ZNF516: variants seen among roughly 807,000 people sequenced by gnomAD.
ZNF516 encodes zinc finger protein 516.
ZNF516 carries 19 observed loss-of-function variants against 79.7 expected under a neutral mutation model. The ratio of observed to expected loss-of-function variants is 0.24; its 90% CI spans 0.17 to 0.35. ZNF516 has a LOEUF of 0.35. ZNF516 is among the 10% of genes least tolerant of loss of function. The pLI is 1.00. For synonymous variants in ZNF516, 877 were observed against 739.5 expected, an observed-to-expected ratio of 1.19 and a Z score of -3.02; for missense variants, 1,678 against 1,679.5, an observed-to-expected ratio of 1.00 and a Z score of 0.02.
In ZNF516 at chr18:76,378,999, G is replaced by A. The variant is rs2074837384; in HGVS notation, c.3115C>T (p.Leu1039=). 5 of 1,612,054 alleles carry A rather than the reference G, an allele frequency of 3.1e-6. No homozygotes were observed. The highest frequency in any genetic ancestry group is 2.2e-5 in the East Asian group (1 of 44,864). The part of the protein sequence containing the change: ...QPGVAGAPPV[L]HSIKQEPVAE... Reference sequence around the variant, plus strand: ...ACCGGCTCCTGTTTGATGGAGTGTAGGACGGGGGGCGCCCCAGCCACGCCG... The same window carrying A: ...ACCGGCTCCTGTTTGATGGAGTGTAAGACGGGGGGCGCCCCAGCCACGCCG... Residue 1039 remains leucine, a synonymous_variant, in exon 4 of 7, where the codon CTA becomes TTA. Transcript: ENST00000443185.
chr18:76,420,354 G>T (rs1002074021), intron 3 of ZNF516, among the ~76,000 whole-genome samples: 1 of 152,038 alleles, frequency 6.6e-6, no homozygotes, highest in Non-Finnish European at 1.5e-5. Flanking sequence ...CTCTACCCCC[G>T]GCCCTCATTG....
chr18:76,481,488 C>T (rs1041295602), intron 1 of ZNF516, among the ~76,000 whole-genome samples: 2 of 152,196 alleles, frequency 1.3e-5, no homozygotes, highest in Non-Finnish European at 2.9e-5. Flanking sequence ...ATGAACTCCA[C>T]ACAGGGTAAC....
chr18:76,452,213 G>T (rs911594626), intron 2 of ZNF516, among the ~76,000 whole-genome samples: 5 of 152,210 alleles, frequency 3.3e-5, no homozygotes, highest in African/African-American at 1.2e-4. Context: ...GACCTGATGT[G>T]GGGGCAGCCA....
intron 1 of ZNF516, among the ~76,000 whole-genome samples, chr18:76,480,529 A>ATTTTTT (rs1555720250): frequency 1.4e-3 from 200 of 142,064 alleles, no homozygotes; most frequent in South Asian, 2.5e-3. Context: ...ACACACATAT[A>ATTTTTT]TTTTTTTTTT....
At chr18:76,445,757 A>C (rs550927853) in intron 2 of ZNF516, among the ~76,000 whole-genome samples, 29 of 152,336 alleles carry the variant, frequency 1.9e-4, no homozygotes, top group African/African-American at 6.7e-4. Flanking sequence ...AGCCAGCTCC[A>C]GAGACAGGAT....
chr18:76,423,725 G>A (rs113355154), intron 3 of ZNF516, among the ~76,000 whole-genome samples: 1 of 146,108 alleles, frequency 6.8e-6, no homozygotes, highest in African/African-American at 2.6e-5. Flanking sequence ...AGGTGAAAAG[G>A]CTCCCTCCTG....
At chr18:76,489,436 C>T (rs1031765983) in intron 1 of ZNF516, among the ~76,000 whole-genome samples, 3 of 152,096 alleles carry the variant, frequency 2.0e-5, no homozygotes, top group Non-Finnish European at 4.4e-5. Flanking sequence ...TTATAAAACT[C>T]AAATATCTCC....
At chr18:76,458,292 C>G (rs1288476314) in intron 2 of ZNF516, among the ~76,000 whole-genome samples, 3 of 152,138 alleles carry the variant, frequency 2.0e-5, no homozygotes, top group African/African-American at 7.2e-5. Context: ...TTTCCAAAAC[C>G]CTACAGACAG....
At chr18:76,445,690 A>G (rs1463292577) in intron 2 of ZNF516, among the ~76,000 whole-genome samples, 2 of 152,226 alleles carry the variant, frequency 1.3e-5, no homozygotes, top group Non-Finnish European at 2.9e-5. Context: ...ACGTTTGTCT[A>G]TAAAGGATGT....
Position 76,371,414 on chromosome 18 carries a change from G to A in ZNF516, c.3364+53C>T, listed in dbSNP as rs969628530. 1.0e-5 allele frequency: 16 copies of A among 1,524,298 alleles called. No individual in the cohort carries two copies. The African/African-American group carries it at 1.9e-4, about 18-fold the overall frequency. The allele number at this position is 1,524,298 out of a possible 1,614,324, so 94.4% of individuals were successfully genotyped here. A position where few individuals can be genotyped will look rare whatever the true frequency, so the allele number is the denominator to read the frequency against. The stretch of plus-strand genomic sequence containing the variant: ...GCGGATGGTCAAGCCACTGACAGAA[G>A]AGACCCCTCTTCCTCTGCTCCCCTT... On this transcript the variant is annotated intron_variant, in intron 5 of 6. Coordinates refer to ENST00000443185, the MANE Select transcript of ZNF516 (RefSeq NM_014643.4).
upstream of ZNF516, chr18:76,495,693 T>C: frequency 8.3e-7 from 1 of 1,199,520 alleles, no homozygotes; most frequent in South Asian, 1.4e-5. Flanking sequence ...CATCCATACG[T>C]ACAGACGTGC....
chr18:76,438,296 T>C (rs932306696), intron 3 of ZNF516, among the ~76,000 whole-genome samples: 8 of 152,262 alleles, frequency 5.3e-5, no homozygotes, highest in Admixed American at 1.3e-4. Flanking sequence ...TTTGTATGTC[T>C]CCTTGCAAAG....
chr18:76,360,096 G>C lies in ZNF516; in HGVS notation c.*2402C>G, dbSNP rs2074508533. ...CGCAAGCTGACTGTCCTCCACGCCT[G>C]CTCTCCTGCAAGCCAGGAAGGATCC... On this transcript the variant is annotated 3_prime_UTR_variant, in exon 7 of 7. Transcript: ENST00000443185. The C allele has an allele frequency of 6.6e-6, 1 of 152,354 alleles. No individual in the cohort carries two copies. The highest frequency in any genetic ancestry group is 2.1e-4 in the South Asian group (1 of 4,828). The allele number at this position is 152,354 out of a possible 1,614,324, so 9.4% of individuals were successfully genotyped here.
At chr18:76,470,173 T>C (rs947575258) in intron 1 of ZNF516, among the ~76,000 whole-genome samples, 5 of 152,156 alleles carry the variant, frequency 3.3e-5, no homozygotes, top group African/African-American at 9.7e-5. Context: ...GAACCGCCCA[T>C]TGGTGGATTA....
intron 3 of ZNF516, among the ~76,000 whole-genome samples, chr18:76,404,744 T>A (rs1301162414): frequency 1.3e-5 from 2 of 152,282 alleles, no homozygotes; most frequent in East Asian, 3.9e-4. Flanking sequence ...GTGCGTTGTG[T>A]GTGCATGAGC....
intron 3 of ZNF516, among the ~76,000 whole-genome samples, chr18:76,423,739 C>T (rs1308784170): frequency 6.9e-6 from 1 of 144,994 alleles, no homozygotes; most frequent in African/African-American, 2.6e-5. Context: ...CCTCCTGAAA[C>T]ATACACACGC....
chr18:76,458,760 G>A (rs1320426813), intron 2 of ZNF516, among the ~76,000 whole-genome samples: 3 of 150,482 alleles, frequency 2.0e-5, no homozygotes, highest in Admixed American at 6.6e-5. Flanking sequence ...ACCGTCGTGC[G>A]TGTGTGTGCC....
At chr18:76,465,894 C>T (rs1387842673) in intron 1 of ZNF516, among the ~76,000 whole-genome samples, 1 of 152,264 alleles carries the variant, frequency 6.6e-6, no homozygotes, top group Admixed American at 6.5e-5. Flanking sequence ...AGGACCCGAG[C>T]GCAGCACAGG....
chr18:76,408,069 C>T (rs2075325716), intron 3 of ZNF516, among the ~76,000 whole-genome samples: 1 of 152,150 alleles, frequency 6.6e-6, no homozygotes, highest in African/African-American at 2.4e-5. Context: ...AAGGCTTTTT[C>T]CCATATGGTT....
Sources: gnomAD v4.1 joint callset for allele counts (sites outside exome capture counted in the v4.1 genomes callset) on GRCh38, gnomAD v4.1.1 for gene constraint, MANE v1.5 for transcripts, NCBI Gene and HGNC (gene_info 2026-07-23, HGNC 2026-07-21) for gene names.